The following LIPG variants were observed in gnomAD, a reference collection of about 807,000 sequenced individuals.
The protein encoded by LIPG is endothelial lipase.
A neutral mutation model predicts 51.8 loss-of-function variants in LIPG; 34 were observed. The observed-to-expected ratio is 0.66, with a 90% CI of 0.50 to 0.87. The LOEUF (loss-of-function observed/expected upper bound fraction) is 0.87. Ranked by LOEUF, LIPG falls within the 40% of genes least tolerant of loss-of-function variation. LIPG has a pLI of 0.00. For synonymous variants in LIPG, 246 were observed against 246.1 expected (o/e 1.00, Z 0.00); for missense variants, 580 against 652.7 (o/e 0.89, Z 1.21).
intron 2 of LIPG, among the ~76,000 whole-genome samples, chr18:49,565,829 G>C (rs2084600305): frequency 6.6e-6 from 1 of 152,208 alleles, no homozygotes; most frequent in African/African-American, 2.4e-5. Context: ...GGGCTGTCCT[G>C]CCGTGAGAGC....
At chr18:49,585,856 G>C (rs1375112283) in intron 8 of LIPG, among the ~76,000 whole-genome samples, 2 of 152,172 alleles carry the variant, frequency 1.3e-5, no homozygotes, top group Admixed American at 6.5e-5. Context: ...TGTTAGGTGT[G>C]AATGGGCCCC....
intron 5 of LIPG, among the ~76,000 whole-genome samples, chr18:49,580,220 T>C (rs2084803849): frequency 6.6e-6 from 1 of 152,218 alleles, no homozygotes; most frequent in Non-Finnish European, 1.5e-5. Context: ...AAAATCCAAA[T>C]TGTATGCCTA....
At chr18:49,574,307 T>A (rs2084692691) in intron 4 of LIPG, among the ~76,000 whole-genome samples, 2 of 152,182 alleles carry the variant, frequency 1.3e-5, no homozygotes, top group African/African-American at 2.4e-5. Flanking sequence ...TTATAAATGA[T>A]AATGAAACAC....
intron 3 of LIPG, 99 bp downstream of exon 3, chr18:49,567,720 G>A (rs772819467): frequency 7.0e-5 from 84 of 1,204,978 alleles, no homozygotes; most frequent in Non-Finnish European, 9.3e-5. Context: ...TGAACTTCTG[G>A]AGTCTGATAA....
At position 49,581,404 on chromosome 18, in the gene LIPG, C is replaced by A; in HGVS notation, c.794-11C>A. 6.2e-7 allele frequency: 1 copy of A among 1,614,178 alleles called. No individual in the cohort carries two copies. The highest frequency in any genetic ancestry group is 8.5e-7 in the Non-Finnish European group (1 of 1,180,034). On this transcript the variant is annotated splice_polypyrimidine_tract_variant and intron_variant, in intron 5 of 9. Coordinates refer to ENST00000261292, the MANE Select transcript of LIPG (RefSeq NM_006033.4). Reference sequence around the variant, plus strand: ...CTCATCCTGCATGCTTTTTATCTCTCCCACCCCCAGCAATCACAGAGGTGG... The same window carrying A: ...CTCATCCTGCATGCTTTTTATCTCTACCACCCCCAGCAATCACAGAGGTGG...
upstream of LIPG, chr18:49,561,841 T>G: frequency 1.6e-6 from 2 of 1,253,630 alleles, no homozygotes; most frequent in East Asian, 3.0e-5. Flanking sequence ...CGCAGCTGCC[T>G]GCGGAGCGGG....
intron 5 of LIPG, among the ~76,000 whole-genome samples, chr18:49,578,155 T>G (rs2084749705): frequency 7.0e-6 from 1 of 143,508 alleles, no homozygotes; most frequent in Non-Finnish European, 1.5e-5. Context: ...ACGGGGTGGC[T>G]GCTGGGCGGA....
intron 1 of LIPG, among the ~76,000 whole-genome samples, chr18:49,564,477 G>A (rs2084582041): frequency 6.6e-6 from 1 of 152,208 alleles, no homozygotes; most frequent in Non-Finnish European, 1.5e-5. Context: ...CAGTGAAGCT[G>A]GAAGGGGGGA....
rs2084973813 is a variant in LIPG at position 49,594,903 on chromosome 18, A to T, written c.*4381A>T. ...TGGTGTCTCTGGCATAGTAAAGAAA[A>T]TTGTTGAAATTTCCCAAAGGAAGAG... On this transcript the variant is annotated 3_prime_UTR_variant, in exon 10 of 10. Transcript: ENST00000261292. 6.6e-6 allele frequency: 1 copy of T among 152,202 alleles called. No homozygotes were observed. The highest frequency in any genetic ancestry group is 6.5e-5 in the Admixed American group (1 of 15,282). The allele number at this position is 152,202 out of a possible 1,614,324, so 9.4% of individuals were successfully genotyped here.
chr18:49,583,706 AC>A lies in LIPG; in HGVS notation c.1312del (p.Arg438AlafsTer7), dbSNP rs1295163816. ...AGGAGTTTCGCAGCTACCTGTCTCA[AC>A]CCCGCAACCCCGGACGGGAGCTGAA... The part of the protein sequence containing the change: ...WKEFRSYLSQ[P>X]RNPGRELNIR... On this transcript the variant is annotated frameshift_variant, in exon 8 of 10. Coordinates refer to ENST00000261292, the MANE Select transcript of LIPG (RefSeq NM_006033.4). LOFTEE classifies it high-confidence loss of function. 6 of 1,614,006 alleles carry A rather than the reference AC, an allele frequency of 3.7e-6. No homozygotes were observed. Among genetic ancestry groups the A allele is most frequent in the Non-Finnish European group, 5.1e-6 (6 of 1,180,010 alleles).
At chr18:49,574,412 C>T (rs2084693647) in intron 4 of LIPG, among the ~76,000 whole-genome samples, 1 of 152,168 alleles carries the variant, frequency 6.6e-6, no homozygotes, top group Non-Finnish European at 1.5e-5. Flanking sequence ...TTCATATCTA[C>T]CCACTAGGAG....
chr18:49,581,507 C>T lies in LIPG; in HGVS notation c.886C>T (p.Gln296Ter), dbSNP rs1190617762. The T allele has an allele frequency of 6.2e-7, 1 of 1,614,052 alleles. No individual in the cohort carries two copies. The highest frequency in any genetic ancestry group is 8.5e-7 in the Non-Finnish European group (1 of 1,180,040). Residue 296 changes from glutamine (Q) to a stop codon, truncating the protein, a stop_gained, in exon 6 of 10, where the codon CAG becomes TAG. Coordinates refer to ENST00000261292, the MANE Select transcript of LIPG (RefSeq NM_006033.4). LOFTEE classifies it high-confidence loss of function. ...TCAGGACAAGCCGAGTTTTGCCTTCCAGTGCACTGACTCCAATCGCTTCAA... is the reference window on the plus strand; with the variant it reads ...TCAGGACAAGCCGAGTTTTGCCTTCTAGTGCACTGACTCCAATCGCTTCAA... ...VNQDKPSFAF[Q>*]CTDSNRFKKG... is the part of the protein sequence containing the mutation.
At position 49,575,503 on chromosome 18, in the gene LIPG, G is replaced by C; in HGVS notation, c.706G>C (p.Val236Leu). ...CTTGAGCATTGGTATTCAGATGCCT[G>C]TGGGCCACATTGACATCTACCCCAA... is the stretch of plus-strand genomic sequence containing the variant. ...FGLSIGIQMP[V>L]GHIDIYPNGG... Residue 236 changes from valine to leucine, a missense_variant, in exon 5 of 10, where the codon GTG (valine) becomes CTG (leucine). Transcript: ENST00000261292. 5 of 1,614,222 alleles carry C rather than the reference G, an allele frequency of 3.1e-6. No individual in the cohort carries two copies. Among genetic ancestry groups the C allele is most frequent in the Non-Finnish European group, 4.2e-6 (5 of 1,180,038 alleles).
rs762143243 is a variant in LIPG, at chr18:49,586,811, G to T, written c.1442G>T (p.Arg481Leu). 5 of 1,613,940 alleles carry T rather than the reference G, an allele frequency of 3.1e-6. No homozygotes were observed. The highest frequency in any genetic ancestry group is 1.6e-4 in the Middle Eastern group (1 of 6,084). The change falls in exon 9 of 10, where the codon CGC becomes CTC. Residue 481 changes from arginine (R) to leucine (L), a missense_variant. By Grantham distance (102) the Arg-to-Leu change is moderately radical. Transcript: ENST00000261292. ...SISPGRELWFRKCRDGWRMKN... is the reference protein window; with the variant it reads ...SISPGRELWFLKCRDGWRMKN... ...TCCCCAGGCCGGGAGCTCTGGTTTCGCAAGTGTCGGGATGGCTGGAGGATG... is the reference window on the plus strand; with the variant it reads ...TCCCCAGGCCGGGAGCTCTGGTTTCTCAAGTGTCGGGATGGCTGGAGGATG...
chr18:49,568,030 CT>C (rs1342149030), intron 3 of LIPG, among the ~76,000 whole-genome samples: 5 of 152,066 alleles, frequency 3.3e-5, no homozygotes, highest in African/African-American at 1.2e-4. Flanking sequence ...AAAATGCAGC[CT>C]AATATCTCTT....
Position 49,575,591 on chromosome 18 carries a change from G to A in LIPG, c.793+1G>A. 1 of 1,612,540 alleles carries A rather than the reference G, an allele frequency of 6.2e-7. No homozygotes were observed. The highest frequency in any genetic ancestry group is 8.5e-7 in the Non-Finnish European group (1 of 1,178,864). The stretch of plus-strand genomic sequence containing the variant: ...GTCTTGGGATCAATTGCATATGGAA[G>A]TGAGTTCCCTCTTTTCTGCTTTGTG... On this transcript the variant is annotated splice_donor_variant, in intron 5 of 9. Coordinates refer to ENST00000261292, the MANE Select transcript of LIPG (RefSeq NM_006033.4). LOFTEE classifies it high-confidence loss of function.
intron 4 of LIPG, among the ~76,000 whole-genome samples, chr18:49,572,634 G>C (rs1331521103): frequency 2.0e-5 from 3 of 151,736 alleles, no homozygotes; most frequent in South Asian, 2.1e-4. Context: ...GGGATGCTGA[G>C]GTGGGAGAAT....
intron 2 of LIPG, among the ~76,000 whole-genome samples, chr18:49,567,041 A>C (rs2084612869): frequency 6.6e-6 from 1 of 152,210 alleles, no homozygotes; most frequent in Admixed American, 6.5e-5. Context: ...GCAGATTCTA[A>C]AATTGTCTGG....
chr18:49,586,304 G>A (rs2084879228), intron 8 of LIPG, among the ~76,000 whole-genome samples: 1 of 152,100 alleles, frequency 6.6e-6, no homozygotes, highest in South Asian at 2.1e-4. Context: ...TTTCACATAG[G>A]GCATAATGTT....
Sources: allele counts gnomAD v4.1 joint callset (sites outside exome capture counted in the v4.1 genomes callset), GRCh38; gene constraint gnomAD v4.1.1; transcripts MANE v1.5; gene names NCBI Gene and HGNC (gene_info 2026-07-23, HGNC 2026-07-21).